Variants in INTS6 observed in about 807,000 individuals in gnomAD.
INTS6 encodes the protein DEAD box protein.
In INTS6, 16 loss-of-function variants were observed where a neutral mutation model predicts 104.9. The observed-to-expected ratio is 0.15, with a 90% confidence interval of 0.10 to 0.23. The LOEUF is 0.23. INTS6 is among the 10% of genes least tolerant of loss of function. INTS6 has a pLI of 1.00. For synonymous variants in INTS6, 324 were observed against 358.7 expected (o/e 0.90, Z 1.09); for missense variants, 584 against 1,062.8 (o/e 0.55, Z 6.26).
In INTS6 at chr13:51,361,677, C is replaced by T. The variant is rs1270410748; in HGVS notation, c.*4075G>A. The T allele has an allele frequency of 9.2e-6, 7 of 760,392 alleles. No homozygotes were observed. Among genetic ancestry groups the T allele is most frequent in the Non-Finnish European group, 1.4e-5 (7 of 486,948 alleles). 47.1% of individuals were successfully genotyped at this position (760,392 alleles called of 1,614,324 possible). ...TCTTTAATTTTCCCATCTGCACCCC[C>T]ATCACAACAGTAAACAATCAAATGC... On this transcript the variant is annotated 3_prime_UTR_variant, in exon 18 of 18. Transcript: ENST00000311234.
chr13:51,390,063 G>A (rs1430376114), intron 5 of INTS6, among the ~76,000 whole-genome samples: 1 of 151,934 alleles, frequency 6.6e-6, no homozygotes, highest in East Asian at 1.9e-4. Flanking sequence ...CCTTTTGTAC[G>A]TTTTAACTTA....
intron 3 of INTS6, chr13:51,447,469 C>G (rs1952941663): frequency 6.6e-6 from 1 of 151,986 alleles, no homozygotes; most frequent in Non-Finnish European, 1.5e-5. Context: ...TGTACGAAAG[C>G]CACCATTTTT....
chr13:51,368,894 C>A (rs570934424), intron 16 of INTS6, 45 bp downstream of exon 16: 2 of 1,505,100 alleles, frequency 1.3e-6, no homozygotes, highest in African/African-American at 1.4e-5. Flanking sequence ...GCTTTTTGAG[C>A]ACATACAGAA....
chr13:51,430,541 G>C (rs772895743), intron 3 of INTS6, among the ~76,000 whole-genome samples, 158 bp from the exon 4 acceptor site: 1 of 152,108 alleles, frequency 6.6e-6, no homozygotes, highest in Non-Finnish European at 1.5e-5. Context: ...GATATAGAAC[G>C]ACACATAAAC....
At chr13:51,431,884 C>A (rs7321642) in intron 3 of INTS6, among the ~76,000 whole-genome samples, 30,647 of 152,006 alleles carry the variant, frequency 0.2, 3,186 homozygotes, top group South Asian at 0.3. Flanking sequence ...TCCTTTTCCT[C>A]TGTAATATTC....
At chr13:51,344,847 A>G in the INTS6 span, among the ~76,000 whole-genome samples, 1 of 151,992 alleles carries the variant, frequency 6.6e-6, no homozygotes, top group Non-Finnish European at 1.5e-5. Flanking sequence ...ATAATAAACC[A>G]CCTGTGATGG....
chr13:51,382,462 A>AT (rs1956070646), intron 9 of INTS6, among the ~76,000 whole-genome samples: 1 of 152,242 alleles, frequency 6.6e-6, no homozygotes, highest in Non-Finnish European at 1.5e-5. Flanking sequence ...TATTTTGACT[A>AT]TAACTTTTAA....
chr13:51,355,824 TG>T (rs1438388215), intron 3 of INTS6, among the ~76,000 whole-genome samples: 1 of 152,204 alleles, frequency 6.6e-6, no homozygotes, highest in Non-Finnish European at 1.5e-5. Context: ...GCTAAACTAT[TG>T]CCAACTCAAA....
intron 3 of INTS6, chr13:51,355,111 A>T: frequency 6.5e-7 from 1 of 1,546,598 alleles, no homozygotes; most frequent in Non-Finnish European, 8.8e-7. Flanking sequence ...GATCTTTTTG[A>T]TCCACTCAAA....
At chr13:51,410,417 CA>C (rs373904345) in intron 4 of INTS6, among the ~76,000 whole-genome samples, 7 of 152,270 alleles carry the variant, frequency 4.6e-5, no homozygotes, top group African/African-American at 1.7e-4. Context: ...AACAGCCACA[CA>C]AAAACATGGC....
chr13:51,421,143 G>A (rs899928279), intron 4 of INTS6: 10 of 985,702 alleles, frequency 1.0e-5, no homozygotes, highest in Non-Finnish European at 1.2e-5. Context: ...CTTCCGAGAT[G>A]ACTAGCATCA....
rs552970559 is a variant in INTS6 at position 51,365,623 on chromosome 13, T to C, written c.*129A>G. On this transcript the variant is annotated 3_prime_UTR_variant, in exon 18 of 18. Coordinates refer to ENST00000311234, the MANE Select transcript of INTS6 (RefSeq NM_012141.3). ...TGTAAAATGATGGAAAAAGGATCTG[T>C]AGATTTGCTTTTAGTATTTCAAATA... 26 of 476,194 alleles carry C rather than the reference T, an allele frequency of 5.5e-5. No homozygotes were observed. In the Admixed American group the frequency reaches 6.2e-4, roughly 11 times the overall value. 29.5% of individuals were successfully genotyped at this position (476,194 alleles called of 1,614,324 possible).
Position 51,364,172 on chromosome 13 carries a change from T to C in INTS6, c.*1580A>G. 1 of 756,396 alleles carries C rather than the reference T, an allele frequency of 1.3e-6. No homozygotes were observed. Among genetic ancestry groups the C allele is most frequent in the Non-Finnish European group, 2.1e-6 (1 of 483,416 alleles). The allele number at this position is 756,396 out of a possible 1,614,324, so 46.9% of individuals were successfully genotyped here. A position where few individuals can be genotyped will look rare whatever the true frequency, so the allele number is the denominator to read the frequency against. ...TTACTTAAAAGTATTTGTATAGAAG[T>C]AAACAAAGCTTAAAGAACTGCATAT... On this transcript the variant is annotated 3_prime_UTR_variant, in exon 18 of 18. Coordinates refer to ENST00000311234, the MANE Select transcript of INTS6 (RefSeq NM_012141.3).
At chr13:51,403,606 A>AAAAAAAAAAGAAAAAAAAAAG (rs1491365561) in intron 4 of INTS6, among the ~76,000 whole-genome samples, 1 of 138,682 alleles carries the variant, frequency 7.2e-6, no homozygotes, top group Non-Finnish European at 1.6e-5. Flanking sequence ...AAAAAAAAAG[A>AAAAAAAAAAGAAAAAAAAAAG]AAAAAAAAAA....
At chr13:51,360,660 G>A (rs962861189), downstream of INTS6, among the ~76,000 whole-genome samples, 6 of 151,956 alleles carry the variant, frequency 3.9e-5, no homozygotes, top group Non-Finnish European at 8.8e-5. Context: ...GTAGATTCTA[G>A]CCCATGAGGC....
downstream of INTS6, among the ~76,000 whole-genome samples, chr13:51,357,999 T>C (rs1348299316): frequency 1.3e-5 from 2 of 152,174 alleles, no homozygotes; most frequent in Non-Finnish European, 2.9e-5. Context: ...TAAGTTAACT[T>C]ATGCCACACC....
intron 3 of INTS6, among the ~76,000 whole-genome samples, chr13:51,431,716 T>C (rs1344518640): frequency 6.6e-6 from 1 of 152,162 alleles, no homozygotes; most frequent in African/African-American, 2.4e-5. Context: ...ACTTTTCTAA[T>C]TGGTGCCCAA....
intron 15 of INTS6, among the ~76,000 whole-genome samples, chr13:51,372,186 T>C (rs1398132958): frequency 1.3e-5 from 2 of 152,188 alleles, no homozygotes; most frequent in Non-Finnish European, 2.9e-5. Flanking sequence ...TGTTTCCATT[T>C]TCTCACCTCT....
At chr13:51,344,378 T>C in the INTS6 span, 2 of 1,613,258 alleles carry the variant, frequency 1.2e-6, no homozygotes, top group Non-Finnish European at 1.7e-6. Context: ...CCCTGCTTTG[T>C]GGAGCACGTC....
Sources: allele counts gnomAD v4.1 joint callset (sites outside exome capture counted in the v4.1 genomes callset), GRCh38; gene constraint gnomAD v4.1.1; transcripts MANE v1.5; gene names NCBI Gene and HGNC (gene_info 2026-07-23, HGNC 2026-07-21).